The following STIM2 variants were observed in gnomAD, a reference collection of about 807,000 sequenced individuals.
STIM2 encodes the protein stromal interaction molecule 2.
In STIM2, 31 loss-of-function variants were observed where a neutral mutation model predicts 85.8. The observed-to-expected ratio is 0.36, with a 90% confidence interval of 0.27 to 0.49. The LOEUF (loss-of-function observed/expected upper bound fraction) is 0.49, where lower values mean the gene tolerates loss of function less well. STIM2 is among the 20% of genes least tolerant of loss of function. The pLI, the probability that STIM2 is intolerant of heterozygous loss-of-function variation, is 0.98. For missense variants in STIM2, 841 were observed against 927.6 expected, an observed-to-expected ratio of 0.91 and a Z score of 1.21; for synonymous variants, 356 against 331.1, an observed-to-expected ratio of 1.08 and a Z score of -0.82.
chr4:26,886,960 G>T (rs1196846846), intron 1 of STIM2, among the ~76,000 whole-genome samples: 1 of 152,142 alleles, frequency 6.6e-6, no homozygotes, highest in Non-Finnish European at 1.5e-5. Flanking sequence ...GTAATAGGTG[G>T]TATAGGTGGA....
chr4:26,928,657 C>T (rs753082235), intron 2 of STIM2, among the ~76,000 whole-genome samples: 44 of 152,192 alleles, frequency 2.9e-4, no homozygotes, highest in Middle Eastern at 6.8e-3. Context: ...GACAGGCATG[C>T]ACCAGCGTTT....
At chr4:26,906,839 C>T (rs1431160185) in intron 1 of STIM2, among the ~76,000 whole-genome samples, 1 of 151,952 alleles carries the variant, frequency 6.6e-6, no homozygotes, top group African/African-American at 2.4e-5. Context: ...TGGTGGTGGG[C>T]ACCTGTAGTC....
chr4:26,868,888 C>A (rs1722502730), intron 1 of STIM2, among the ~76,000 whole-genome samples: 1 of 152,116 alleles, frequency 6.6e-6, no homozygotes, highest in Admixed American at 6.5e-5. Flanking sequence ...TTAATCCTCG[C>A]CGTTTCTTTC....
chr4:26,883,093 C>T (rs1723089257), intron 1 of STIM2, among the ~76,000 whole-genome samples: 3 of 151,092 alleles, frequency 2.0e-5, no homozygotes, highest in Admixed American at 6.6e-5. Context: ...CGGTGATCCG[C>T]CCACCTTGGC....
chr4:26,934,528 A>T (rs1422746186), intron 2 of STIM2, among the ~76,000 whole-genome samples: 1 of 152,218 alleles, frequency 6.6e-6, no homozygotes. Flanking sequence ...CATATAGCAC[A>T]TTAGTTGCTG....
At chr4:26,916,624 A>C (rs1724590524) in intron 1 of STIM2, among the ~76,000 whole-genome samples, 1 of 152,244 alleles carries the variant, frequency 6.6e-6, no homozygotes, top group African/African-American at 2.4e-5. Context: ...TATGAGAAAC[A>C]GAGCTTTTAG....
chr4:26,888,009 G>C (rs940743852), intron 1 of STIM2, among the ~76,000 whole-genome samples: 1 of 152,186 alleles, frequency 6.6e-6, no homozygotes, highest in Admixed American at 6.5e-5. Flanking sequence ...TCTCAGAAAA[G>C]GCTTTCCTGC....
chr4:26,994,538 A>C (rs1398994299), intron 3 of STIM2, among the ~76,000 whole-genome samples: 1 of 152,072 alleles, frequency 6.6e-6, no homozygotes, highest in East Asian at 1.9e-4. Flanking sequence ...TCATGATAAG[A>C]CTGGACCATT....
At chr4:26,977,027 ATAGT>A (rs1727227540) in intron 3 of STIM2, among the ~76,000 whole-genome samples, 1 of 152,174 alleles carries the variant, frequency 6.6e-6, no homozygotes, top group South Asian at 2.1e-4. Flanking sequence ...GGGTAACAGT[ATAGT>A]TAGTGAGCAG....
intron 1 of STIM2, among the ~76,000 whole-genome samples, chr4:26,903,892 G>A (rs1007123906): frequency 6.6e-6 from 1 of 151,924 alleles, no homozygotes; most frequent in African/African-American, 2.4e-5. Context: ...GGATGAGAAA[G>A]GAGCTAACTG....
intron 3 of STIM2, among the ~76,000 whole-genome samples, chr4:26,959,552 C>T (rs1726373449): frequency 6.6e-6 from 1 of 151,962 alleles, no homozygotes; most frequent in African/African-American, 2.4e-5. Context: ...TTTGCCTCAC[C>T]CCCAAGAATG....
At chr4:26,905,112 G>T (rs1213314526) in intron 1 of STIM2, among the ~76,000 whole-genome samples, 1 of 152,124 alleles carries the variant, frequency 6.6e-6, no homozygotes, top group African/African-American at 2.4e-5. Flanking sequence ...GGAGGCATTG[G>T]AGTTGAGGAT....
At chr4:26,862,264 A>G (rs1259675509) in intron 1 of STIM2, among the ~76,000 whole-genome samples, 2 of 151,584 alleles carry the variant, frequency 1.3e-5, no homozygotes, top group Non-Finnish European at 2.9e-5. Context: ...AAAAGTTATT[A>G]TATAAGGACC....
At chr4:26,913,888 G>A (rs1724437230) in intron 1 of STIM2, among the ~76,000 whole-genome samples, 2 of 152,152 alleles carry the variant, frequency 1.3e-5, no homozygotes, top group South Asian at 4.1e-4. Flanking sequence ...GAGTTAGTAA[G>A]CAAACGAATC....
At chr4:26,886,702 C>T (rs1410973139) in intron 1 of STIM2, among the ~76,000 whole-genome samples, 1 of 152,132 alleles carries the variant, frequency 6.6e-6, no homozygotes, top group Non-Finnish European at 1.5e-5. Context: ...CTAGAATGTA[C>T]AGTCTTGTAG....
intron 1 of STIM2, among the ~76,000 whole-genome samples, chr4:26,902,290 T>C (rs889889932): frequency 2.6e-5 from 4 of 152,154 alleles, no homozygotes; most frequent in African/African-American, 9.7e-5. Flanking sequence ...TTAGAAAATA[T>C]GCAGATGTCG....
chr4:26,894,538 AT>A (rs778868359), intron 1 of STIM2, among the ~76,000 whole-genome samples: 2,164 of 139,018 alleles, frequency 0.016, 38 homozygotes, highest in African/African-American at 0.035. Context: ...TTGCAGCACC[AT>A]TTTTTTTTTT....
chr4:26,920,894 C>T (rs748483248), intron 2 of STIM2, among the ~76,000 whole-genome samples: 2 of 152,176 alleles, frequency 1.3e-5, no homozygotes, highest in Non-Finnish European at 2.9e-5. Context: ...CTCGATTCTT[C>T]TTCTTCTAAA....
intron 2 of STIM2, among the ~76,000 whole-genome samples, chr4:26,921,865 A>C (rs566105734): frequency 6.0e-4 from 92 of 152,324 alleles, no homozygotes; most frequent in African/African-American, 2.2e-3. Flanking sequence ...ATATCTCTGC[A>C]TCAGTTGATT....
Sources: gnomAD v4.1 joint callset for allele counts (sites outside exome capture counted in the v4.1 genomes callset) on GRCh38, gnomAD v4.1.1 for gene constraint, MANE v1.5 for transcripts, NCBI Gene and HGNC (gene_info 2026-07-23, HGNC 2026-07-21) for gene names.